CHMP3: variants seen among roughly 807,000 people sequenced by gnomAD.
CHMP3 encodes charged multivesicular body protein 3, also known as 25.1 protein.
Under a neutral mutation model 27.4 loss-of-function variants are expected in CHMP3, and 8 were observed. That is an observed-to-expected ratio of 0.29 (90% CI 0.17 to 0.53). CHMP3 has a LOEUF of 0.53. Ranked by LOEUF, CHMP3 falls within the 20% of genes least tolerant of loss-of-function variation. The pLI is 0.96. For synonymous variants in CHMP3, 86 were observed against 85.5 expected, an observed-to-expected ratio of 1.01 and a Z score of -0.03; for missense variants, 208 against 271.5, an observed-to-expected ratio of 0.77 and a Z score of 1.64.
chr2:86,561,612 T>C (rs1213493158), intron 1 of CHMP3: 1 of 152,172 alleles, frequency 6.6e-6, no homozygotes. Flanking sequence ...AACTAAAATT[T>C]TTTATTCAAT....
At chr2:86,529,544 C>A in intron 2 of CHMP3, 147 bp from the exon 3 acceptor site, 1 of 786,258 alleles carries the variant, frequency 1.3e-6, no homozygotes. Flanking sequence ...AGTGAATATT[C>A]ATCATTTCCA....
intron 1 of CHMP3, 161 bp downstream of exon 1, chr2:86,563,143 T>C (rs945310271): frequency 1.1e-5 from 9 of 826,558 alleles, no homozygotes; most frequent in African/African-American, 3.4e-5. Context: ...AGCCGACTCC[T>C]AAAGACTCTT....
intron 1 of CHMP3, among the ~76,000 whole-genome samples, chr2:86,559,410 CCAGT>C (rs773441372): frequency 6.6e-6 from 1 of 152,182 alleles, no homozygotes; most frequent in African/African-American, 2.4e-5. Context: ...TTCATAATCC[CCAGT>C]CAATTTCCAT....
In CHMP3 at chr2:86,510,378, A is replaced by C; in HGVS notation, c.388T>G (p.Leu130Val). Reference protein sequence around the residue: ...IPEIQATMRELSKEMMKAGII... With the variant: ...IPEIQATMREVSKEMMKAGII... ...GTCACCTTCATCATTTCTTTGGACA[A>C]CTCCCTCATGGTGGCCTGAATCTCT... The change falls in exon 4 of 6, where the codon TTG (leucine) becomes GTG (valine). Residue 130 changes from leucine (L) to valine (V), a missense_variant. This residue lies in a region of CHMP3 where 94 missense variants were observed against 159.6 expected (regional missense o/e 0.59). Coordinates refer to ENST00000263856, the MANE Select transcript of CHMP3 (RefSeq NM_016079.4). 4.3e-6 allele frequency: 7 copies of C among 1,613,684 alleles called. No homozygotes were observed. Among genetic ancestry groups the C allele is most frequent in the Non-Finnish European group, 5.9e-6 (7 of 1,179,918 alleles).
chr2:86,518,009 A>T (rs1173990340), intron 3 of CHMP3, among the ~76,000 whole-genome samples: 1 of 152,190 alleles, frequency 6.6e-6, no homozygotes, highest in Non-Finnish European at 1.5e-5. Context: ...AACAGACCCT[A>T]TCTCAAAAAT....
intron 2 of CHMP3, among the ~76,000 whole-genome samples, chr2:86,538,972 C>T (rs1038896449): frequency 1.1e-4 from 16 of 152,124 alleles, no homozygotes; most frequent in Non-Finnish European, 1.5e-4. Flanking sequence ...CAGAATATTA[C>T]GAACATGCCA....
At chr2:86,529,547 CAT>C in intron 2 of CHMP3, 150 bp from the exon 3 acceptor site, 1 of 778,424 alleles carries the variant, frequency 1.3e-6, no homozygotes, top group Non-Finnish European at 1.8e-6. Context: ...GAATATTCAT[CAT>C]TTCCAGAAAC....
intron 2 of CHMP3, among the ~76,000 whole-genome samples, chr2:86,541,619 T>C (rs1558656134): frequency 1.3e-5 from 2 of 152,190 alleles, no homozygotes; most frequent in African/African-American, 4.8e-5. Context: ...AGCTGCCCAA[T>C]GTTTGAAAAC....
rs887979395 is a variant in CHMP3 at position 86,504,152 on chromosome 2, T to C, written c.*1652A>G. 3 of 152,200 alleles carry C rather than the reference T, an allele frequency of 2.0e-5. No individual in the cohort carries two copies. The highest frequency in any genetic ancestry group is 7.2e-5 in the African/African-American group (3 of 41,438). 9.4% of individuals were successfully genotyped at this position (152,200 alleles called of 1,614,324 possible). On this transcript the variant is annotated 3_prime_UTR_variant, in exon 6 of 6. Coordinates refer to ENST00000263856, the MANE Select transcript of CHMP3 (RefSeq NM_016079.4). ...TAGAGAAGTTTTAGGGCAGTGAAAC[T>C]ATTCTGTATGATTCTATAATTGTAG...
intron 2 of CHMP3, among the ~76,000 whole-genome samples, chr2:86,538,925 T>G (rs767041562): frequency 6.6e-6 from 1 of 152,276 alleles, no homozygotes; most frequent in African/African-American, 2.4e-5. Context: ...TTTCACAAAT[T>G]AAACACACTC....
chr2:86,529,269 C>T lies in CHMP3; in HGVS notation c.235G>A (p.Ala79Thr). Residue 79 changes from alanine (A) to threonine (T), a missense_variant, in exon 3 of 6, where the codon GCA becomes ACA. By Grantham distance (58) the Ala-to-Thr change is moderately conservative (BLOSUM62 0). Transcript: ENST00000263856. ...RSRKAVSKLYASKAHMNSVLM... is the reference protein window; with the variant it reads ...RSRKAVSKLYTSKAHMNSVLM... ...ACTGAGTTCATGTGTGCTTTGGATG[C>T]ATACAGCTTGCTCACAGCCTTCCTT... is the stretch of plus-strand genomic sequence containing the variant. 1 of 1,613,500 alleles carries T rather than the reference C, an allele frequency of 6.2e-7. No homozygotes were observed. Among genetic ancestry groups the T allele is most frequent in the Non-Finnish European group, 8.5e-7 (1 of 1,179,786 alleles).
chr2:86,522,604 A>G (rs911445000), intron 3 of CHMP3, among the ~76,000 whole-genome samples: 5 of 151,962 alleles, frequency 3.3e-5, no homozygotes, highest in African/African-American at 1.2e-4. Flanking sequence ...GTCTCTTTCC[A>G]GGCTCAAAGG....
intron 1 of CHMP3, among the ~76,000 whole-genome samples, chr2:86,553,451 C>A (rs924922020): frequency 1.3e-5 from 2 of 152,166 alleles, no homozygotes; most frequent in East Asian, 3.9e-4. Flanking sequence ...CCTGCCTCAG[C>A]CTCCCGAGTA....
In CHMP3 at chr2:86,505,065, C is replaced by T. The variant is rs1053720736; in HGVS notation, c.*739G>A. The T allele has an allele frequency of 5.3e-5, 8 of 152,252 alleles. No individual in the cohort carries two copies. The highest frequency in any genetic ancestry group is 1.9e-4 in the African/African-American group (8 of 41,396). The allele number at this position is 152,252 out of a possible 1,614,324, so 9.4% of individuals were successfully genotyped here. A position where few individuals can be genotyped will look rare whatever the true frequency, so the allele number is the denominator to read the frequency against. On this transcript the variant is annotated 3_prime_UTR_variant, in exon 6 of 6. Coordinates refer to ENST00000263856, the MANE Select transcript of CHMP3 (RefSeq NM_016079.4). ...TGTCCCACGCACAAGACAACCAGCT[C>T]GAAGCAGGGACAGGCAATGAGAGGT... is the stretch of plus-strand genomic sequence containing the variant.
intron 1 of CHMP3, among the ~76,000 whole-genome samples, chr2:86,560,006 C>A (rs1283717161): frequency 6.6e-6 from 1 of 152,160 alleles, no homozygotes; most frequent in Admixed American, 6.5e-5. Context: ...GTGGCTTACA[C>A]CTGTAATCCC....
At chr2:86,520,561 G>A (rs1459035933) in intron 3 of CHMP3, among the ~76,000 whole-genome samples, 2 of 152,144 alleles carry the variant, frequency 1.3e-5, no homozygotes, top group African/African-American at 4.8e-5. Flanking sequence ...AGATTTAGGT[G>A]CAGACACAGA....
At chr2:86,545,878 AC>A (rs1676573285) in intron 1 of CHMP3, among the ~76,000 whole-genome samples, 1 of 151,044 alleles carries the variant, frequency 6.6e-6, no homozygotes, top group Non-Finnish European at 1.5e-5. Flanking sequence ...CACTTCCCAG[AC>A]AGGGCGGCCG....
chr2:86,537,381 T>C (rs1436832863), intron 2 of CHMP3, among the ~76,000 whole-genome samples: 1 of 152,222 alleles, frequency 6.6e-6, no homozygotes, highest in East Asian at 1.9e-4. Flanking sequence ...ACTTCGTTTT[T>C]TAACTTAATC....
At chr2:86,529,014 A>G (rs1181557129) in intron 3 of CHMP3, among the ~76,000 whole-genome samples, 3 of 152,258 alleles carry the variant, frequency 2.0e-5, no homozygotes, top group African/African-American at 7.2e-5. Context: ...AAGCAGATTT[A>G]TATGTAGATT....
Sources: gnomAD v4.1 joint callset for allele counts (sites outside exome capture counted in the v4.1 genomes callset) on GRCh38, gnomAD v4.1.1 for gene constraint, gnomAD v4.1.1 regional missense constraint, MANE v1.5 for transcripts, NCBI Gene and HGNC (gene_info 2026-07-23, HGNC 2026-07-21) for gene names.